The following SFMBT2 variants were observed in gnomAD, a reference collection of about 807,000 sequenced individuals.
SFMBT2 encodes Scm like with four mbt domains 2.
A neutral mutation model predicts 110.1 loss-of-function variants in SFMBT2; 38 were observed. The ratio of observed to expected loss-of-function variants is 0.35; its 90% CI spans 0.27 to 0.45. The LOEUF (loss-of-function observed/expected upper bound fraction) is 0.45. SFMBT2 is among the 20% of genes least tolerant of loss of function. The pLI, the probability that SFMBT2 is intolerant of heterozygous loss-of-function variation, is 1.00. For synonymous variants in SFMBT2, 425 were observed against 425.4 expected (o/e 1.00, Z 0.01); for missense variants, 1,011 against 1,094.9 (o/e 0.92, Z 1.08).
intron 14 of SFMBT2, 49 bp downstream of exon 14, chr10:7,200,365 C>T (rs758393137): frequency 1.1e-5 from 16 of 1,436,932 alleles, no homozygotes; most frequent in African/African-American, 2.9e-5. Context: ...TCTCTGCTCC[C>T]GGCTGCACGG....
chr10:7,291,325 G>A (rs1842256409), intron 4 of SFMBT2, among the ~76,000 whole-genome samples: 1 of 152,136 alleles, frequency 6.6e-6, no homozygotes, highest in Admixed American at 6.5e-5. Context: ...TTCATTTTTT[G>A]TTGTCTTTCT....
chr10:7,252,842 T>C (rs1840856566), intron 7 of SFMBT2, among the ~76,000 whole-genome samples: 1 of 152,158 alleles, frequency 6.6e-6, no homozygotes, highest in East Asian at 1.9e-4. Context: ...TTTGTTCTAA[T>C]GGGTCCATTC....
intron 4 of SFMBT2, among the ~76,000 whole-genome samples, chr10:7,353,130 T>C (rs943658774): frequency 1.3e-5 from 2 of 152,240 alleles, no homozygotes; most frequent in Admixed American, 1.3e-4. Flanking sequence ...AAAAGTTGAC[T>C]ATATTACCAG....
rs1269897586 is a variant in SFMBT2, at chr10:7,171,604, T to G, written c.2415+291A>C. 1.0e-6 allele frequency: 1 copy of G among 982,064 alleles called. No homozygotes were observed. Among genetic ancestry groups the G allele is most frequent in the African/African-American group, 1.7e-5 (1 of 57,146 alleles). The allele number at this position is 982,064 out of a possible 1,614,324, so 60.8% of individuals were successfully genotyped here. On this transcript the variant is annotated intron_variant, in intron 19 of 20. Coordinates refer to ENST00000397167, the MANE Select transcript of SFMBT2 (RefSeq NM_001387889.1). This position sits in a 1 kb window ranked among gnomAD's most constrained non-coding sequence, Gnocchi z 4.9. ...GGAAGGAATTTCTGGAAACCCAGACTTCAAAGGAAACTGAGGACTGTGCCC... is the reference window on the plus strand; with the variant it reads ...GGAAGGAATTTCTGGAAACCCAGACGTCAAAGGAAACTGAGGACTGTGCCC...
intron 4 of SFMBT2, among the ~76,000 whole-genome samples, chr10:7,299,374 G>A (rs750086239): frequency 3.3e-5 from 5 of 151,958 alleles, no homozygotes; most frequent in Non-Finnish European, 5.9e-5. Flanking sequence ...TATAAGGAAC[G>A]TAAACATATT....
intron 4 of SFMBT2, among the ~76,000 whole-genome samples, chr10:7,334,747 T>C (rs1010420441): frequency 1.3e-4 from 20 of 152,352 alleles, no homozygotes; most frequent in African/African-American, 4.6e-4. Context: ...CGTTTCCCAC[T>C]GTCTGCAATT....
chr10:7,176,836 C>G (rs1218672636), intron 16 of SFMBT2, among the ~76,000 whole-genome samples: 1 of 151,978 alleles, frequency 6.6e-6, no homozygotes, highest in Admixed American at 6.6e-5. Context: ...AGACCCCCAG[C>G]CTTGCAGACA....
chr10:7,290,508 T>G (rs531932890), intron 4 of SFMBT2, among the ~76,000 whole-genome samples: 1 of 152,274 alleles, frequency 6.6e-6, no homozygotes, highest in African/African-American at 2.4e-5. Context: ...CATTTAAAGA[T>G]GGACCCAAAT....
chr10:7,201,413 A>T lies in SFMBT2; in HGVS notation c.1488-929T>A, dbSNP rs1187627046. Among the ~76,000 whole-genome samples, 6 of 152,176 alleles carry T rather than the reference A, an allele frequency of 3.9e-5. No homozygotes were observed. In the South Asian group the frequency reaches 1.2e-3, roughly 32 times the overall value. Reference sequence around the variant, plus strand: ...GGGCTGTGCATTTAAGGAGTGATGGATTCAAGTTTGGATTCGGTCACAGGC... The same window carrying T: ...GGGCTGTGCATTTAAGGAGTGATGGTTTCAAGTTTGGATTCGGTCACAGGC... On this transcript the variant is annotated intron_variant, in intron 13 of 20. Transcript: ENST00000397167.
chr10:7,309,715 C>T (rs1176771634), intron 4 of SFMBT2, among the ~76,000 whole-genome samples: 1 of 152,136 alleles, frequency 6.6e-6, no homozygotes, highest in Non-Finnish European at 1.5e-5. Flanking sequence ...CATATATGCT[C>T]GCCTTACTCT....
rs869253757 is a variant in SFMBT2, at chr10:7,324,961, CT to C, written c.437-39008del. On this transcript the variant is annotated intron_variant, in intron 4 of 20. Transcript: ENST00000397167. Reference sequence around the variant, plus strand: ...CTTAATTACTTCCTTAGAGGCCCCACTTTTTTTTTTTTTTTTTTTTTTTTGA... The same window carrying C: ...CTTAATTACTTCCTTAGAGGCCCCACTTTTTTTTTTTTTTTTTTTTTTTGA... Among the ~76,000 whole-genome samples, 865 of 92,122 alleles carry C rather than the reference CT, an allele frequency of 9.4e-3. 6 individuals carry two copies. Among genetic ancestry groups the C allele is most frequent in the East Asian group, 0.072 (225 of 3,136 alleles). The allele number at this position is 92,122 out of a possible 152,430, so 60.4% of individuals were successfully genotyped here. A position where few individuals can be genotyped will look rare whatever the true frequency, so the allele number is the denominator to read the frequency against.
intron 1 of SFMBT2, among the ~76,000 whole-genome samples, chr10:7,409,677 T>C (rs1172838347): frequency 6.6e-6 from 1 of 152,154 alleles, no homozygotes; most frequent in African/African-American, 2.4e-5. Flanking sequence ...TCCTTCTTTT[T>C]TTCCCCACTT....
rs1160391811 is a variant in SFMBT2 at position 7,193,220 on chromosome 10, C to T, written c.1698+4328G>A. ...CAGGCCAGGTCTGCTGCCGAGCAAA[C>T]ACAAGTGGAGAGCCCCTGCCTGCTC... On this transcript the variant is annotated intron_variant, in intron 15 of 20. Transcript: ENST00000397167. Among the ~76,000 whole-genome samples the T allele has an allele frequency of 2.6e-5, 4 of 152,276 alleles. No homozygotes were observed. In the South Asian group the frequency reaches 6.2e-4, roughly 24 times the overall value.
intron 11 of SFMBT2, among the ~76,000 whole-genome samples, chr10:7,212,461 C>T (rs1839381580): frequency 6.6e-6 from 1 of 152,202 alleles, no homozygotes; most frequent in East Asian, 1.9e-4. Flanking sequence ...TGTCCAGCAC[C>T]AAGAACCAAA....
intron 4 of SFMBT2, among the ~76,000 whole-genome samples, chr10:7,313,579 G>A (rs1409028787): frequency 6.6e-6 from 1 of 152,226 alleles, no homozygotes; most frequent in Non-Finnish European, 1.5e-5. Context: ...AAAGTGCTGA[G>A]ATTACAGGCA....
At chr10:7,312,772 G>A (rs532485807) in intron 4 of SFMBT2, among the ~76,000 whole-genome samples, 1 of 152,246 alleles carries the variant, frequency 6.6e-6, no homozygotes, top group South Asian at 2.1e-4. Context: ...AGAAAGTCAT[G>A]CTGGAGTTAT....
intron 4 of SFMBT2, among the ~76,000 whole-genome samples, chr10:7,326,279 CATA>C (rs1843381932): frequency 1.3e-5 from 2 of 152,244 alleles, no homozygotes; most frequent in African/African-American, 4.8e-5. Flanking sequence ...TCACTGCACA[CATA>C]ATTTCACCTT....
chr10:7,248,951 G>T, intron 7 of SFMBT2: 1 of 185,000 alleles, frequency 5.4e-6, no homozygotes, highest in Non-Finnish European at 1.0e-5. Context: ...AAGCACAGCA[G>T]AGTAAGGGAG....
intron 4 of SFMBT2, among the ~76,000 whole-genome samples, chr10:7,288,308 T>C (rs903662703): frequency 2.0e-5 from 3 of 152,228 alleles, no homozygotes; most frequent in East Asian, 3.8e-4. Flanking sequence ...TTACCTTATA[T>C]GGCAACGTCC....
Sources: allele counts gnomAD v4.1 joint callset (sites outside exome capture counted in the v4.1 genomes callset), GRCh38; gene constraint gnomAD v4.1.1; non-coding constraint Gnocchi (gnomAD v3.1); transcripts MANE v1.5; gene names NCBI Gene and HGNC (gene_info 2026-07-23, HGNC 2026-07-21).